Variants in NUDT3 observed in about 807,000 individuals in gnomAD.
The protein encoded by NUDT3 is nudix hydrolase 3, also known as diphosphoinositol polyphosphate phosphohydrolase 1.
NUDT3 carries 9 observed loss-of-function variants against 23.6 expected under a neutral mutation model. The ratio of observed to expected loss-of-function variants is 0.38; its 90% confidence interval spans 0.23 to 0.66. The LOEUF is 0.66. NUDT3 is among the 30% of genes least tolerant of loss of function. The pLI, the probability that NUDT3 is intolerant of heterozygous loss-of-function variation, is 0.52. For missense variants in NUDT3, 172 were observed against 218.5 expected, an observed-to-expected ratio of 0.79 and a Z score of 1.34; for synonymous variants, 86 against 82.6, an observed-to-expected ratio of 1.04 and a Z score of -0.22.
At chr6:34,302,237 C>T (rs1763609267) in intron 2 of NUDT3, among the ~76,000 whole-genome samples, 1 of 151,744 alleles carries the variant, frequency 6.6e-6, no homozygotes, top group African/African-American at 2.4e-5. Context: ...GCCATGTTGC[C>T]CAGGCTGGTC....
intron 1 of NUDT3, among the ~76,000 whole-genome samples, chr6:34,359,644 A>G (rs1283235498): frequency 6.6e-6 from 1 of 152,204 alleles, no homozygotes; most frequent in Non-Finnish European, 1.5e-5. Context: ...TTATGTATAC[A>G]CCATATACCA....
chr6:34,323,988 T>C (rs17696583), intron 2 of NUDT3, among the ~76,000 whole-genome samples: 14,477 of 152,200 alleles, frequency 0.095, 797 homozygotes, highest in Non-Finnish European at 0.12. Flanking sequence ...GGCACTAGCT[T>C]AATCAAGTGA....
At chr6:34,386,863 C>G (rs1765115357) in intron 1 of NUDT3, among the ~76,000 whole-genome samples, 1 of 152,128 alleles carries the variant, frequency 6.6e-6, no homozygotes, top group African/African-American at 2.4e-5. Flanking sequence ...GCCTGTAATC[C>G]CAGCACTTAG....
chr6:34,338,480 T>A (rs1440335637), intron 2 of NUDT3, among the ~76,000 whole-genome samples: 1 of 152,242 alleles, frequency 6.6e-6, no homozygotes, highest in Non-Finnish European at 1.5e-5. Context: ...CTTGGTGAGA[T>A]GTTAAGCTTA....
At chr6:34,352,831 T>C (rs779612721) in intron 1 of NUDT3, among the ~76,000 whole-genome samples, 2 of 152,190 alleles carry the variant, frequency 1.3e-5, no homozygotes, top group Non-Finnish European at 2.9e-5. Flanking sequence ...GTCACATAAA[T>C]GCAATGAAAA....
intron 2 of NUDT3, among the ~76,000 whole-genome samples, chr6:34,326,758 G>A (rs1429703998): frequency 6.6e-6 from 1 of 152,002 alleles, no homozygotes. Context: ...CCGCCACCAT[G>A]CCCAGCTAAT....
chr6:34,387,526 G>T (rs1765125539), intron 1 of NUDT3, among the ~76,000 whole-genome samples: 1 of 151,820 alleles, frequency 6.6e-6, no homozygotes, highest in Admixed American at 6.6e-5. Context: ...AAAGTTTCTA[G>T]AATAAAGATA....
At chr6:34,361,048 C>G (rs1764643369) in intron 1 of NUDT3, among the ~76,000 whole-genome samples, 1 of 151,980 alleles carries the variant, frequency 6.6e-6, no homozygotes. Flanking sequence ...CATAGCAAGA[C>G]CCCATTTCTA....
chr6:34,386,242 T>G (rs1765104958), intron 1 of NUDT3, among the ~76,000 whole-genome samples: 2 of 152,224 alleles, frequency 1.3e-5, no homozygotes, highest in Admixed American at 6.5e-5. Flanking sequence ...TAAATGTTAG[T>G]TACCACAAAT....
chr6:34,364,493 C>T (rs764055793), intron 1 of NUDT3, among the ~76,000 whole-genome samples: 2 of 151,996 alleles, frequency 1.3e-5, no homozygotes, highest in Non-Finnish European at 2.9e-5. Context: ...CAATGGCCTG[C>T]CATGGCCTAG....
chr6:34,296,301 C>T (rs1358947296), intron 2 of NUDT3, among the ~76,000 whole-genome samples: 1 of 151,172 alleles, frequency 6.6e-6, no homozygotes, highest in Admixed American at 6.6e-5. Context: ...TGGTTGGGTA[C>T]TATGGCTCAT....
chr6:34,313,133 C>T lies in NUDT3; in HGVS notation c.211-17448G>A, dbSNP rs187012811. On this transcript the variant is annotated intron_variant, in intron 2 of 4. Coordinates refer to ENST00000607016, the MANE Select transcript of NUDT3 (RefSeq NM_006703.4). ...AAGCTTGCAGTGAGCTGAGACTGCA[C>T]CACTGCACTCCGGCCTGGGTGACAG... Among the ~76,000 whole-genome samples, 509 of 152,138 alleles carry T rather than the reference C, an allele frequency of 3.3e-3. 3 individuals are homozygous for T. Among genetic ancestry groups the T allele is most frequent in the African/African-American group, 7.3e-3 (305 of 41,500 alleles).
intron 2 of NUDT3, among the ~76,000 whole-genome samples, chr6:34,339,476 T>G (rs1226320228): frequency 6.6e-6 from 1 of 152,214 alleles, no homozygotes; most frequent in African/African-American, 2.4e-5. Context: ...GAGGTCCTAT[T>G]AAAATCAGAT....
At chr6:34,370,243 A>C (rs566285932) in intron 1 of NUDT3, among the ~76,000 whole-genome samples, 82 of 152,330 alleles carry the variant, frequency 5.4e-4, no homozygotes, top group African/African-American at 1.8e-3. Flanking sequence ...ATGCTGGCTA[A>C]AATAAATAGG....
intron 2 of NUDT3, among the ~76,000 whole-genome samples, chr6:34,333,551 A>C (rs115007638): frequency 1.3e-5 from 2 of 152,206 alleles, no homozygotes; most frequent in Non-Finnish European, 2.9e-5. Flanking sequence ...CTGGATTCAA[A>C]TCTTACCTTG....
intron 2 of NUDT3, among the ~76,000 whole-genome samples, chr6:34,334,628 C>T (rs1377026231): frequency 2.0e-5 from 3 of 151,078 alleles, no homozygotes; most frequent in Non-Finnish European, 4.4e-5. Flanking sequence ...AGTGAAACTC[C>T]ATCTCAAAAA....
At chr6:34,380,844 G>A (rs975121057) in intron 1 of NUDT3, among the ~76,000 whole-genome samples, 16 of 152,216 alleles carry the variant, frequency 1.1e-4, no homozygotes, top group African/African-American at 3.1e-4. Flanking sequence ...TGACTTAGAC[G>A]GCCCAGTGTC....
chr6:34,321,390 A>G (rs1214564976), intron 2 of NUDT3, among the ~76,000 whole-genome samples: 5 of 152,054 alleles, frequency 3.3e-5, no homozygotes, highest in East Asian at 3.9e-4. Flanking sequence ...GTGAGCCGAG[A>G]TCGTACCACT....
At chr6:34,309,382 C>T (rs1291748534) in intron 2 of NUDT3, among the ~76,000 whole-genome samples, 1 of 151,646 alleles carries the variant, frequency 6.6e-6, no homozygotes, top group Non-Finnish European at 1.5e-5. Context: ...TTGTGGGATG[C>T]AGTGAGAGTG....
Sources: allele counts gnomAD v4.1 joint callset (sites outside exome capture counted in the v4.1 genomes callset), GRCh38; gene constraint gnomAD v4.1.1; transcripts MANE v1.5; gene names NCBI Gene and HGNC (gene_info 2026-07-23, HGNC 2026-07-21).